Variants in LSAMP observed in about 807,000 individuals in gnomAD.
LSAMP encodes limbic system-associated membrane protein.
In LSAMP, 7 loss-of-function variants were observed where a neutral mutation model predicts 38.6. That is an observed-to-expected ratio of 0.18 (90% CI 0.10 to 0.34). The LOEUF (loss-of-function observed/expected upper bound fraction) is 0.34. Ranked by LOEUF, LSAMP falls within the 10% of genes least tolerant of loss-of-function variation. LSAMP has a pLI of 1.00. For missense variants in LSAMP, 313 were observed against 420.0 expected, an observed-to-expected ratio of 0.75 and a Z score of 2.23; for synonymous variants, 154 against 166.8, an observed-to-expected ratio of 0.92 and a Z score of 0.59.
At chr3:116,154,983 C>T (rs1398054169) in intron 1 of LSAMP, among the ~76,000 whole-genome samples, 1 of 151,630 alleles carries the variant, frequency 6.6e-6, no homozygotes, top group Non-Finnish European at 1.5e-5. Flanking sequence ...TGCTTCAGAT[C>T]TCAGCTCCAC....
chr3:116,422,658 A>G (rs1435953920), intron 1 of LSAMP, among the ~76,000 whole-genome samples: 6 of 152,208 alleles, frequency 3.9e-5, no homozygotes, highest in Admixed American at 6.5e-5. Context: ...CTAAAACTAG[A>G]TTGTGATGAT....
At chr3:116,148,178 G>C (rs1012816474) in intron 1 of LSAMP, among the ~76,000 whole-genome samples, 1 of 148,710 alleles carries the variant, frequency 6.7e-6, no homozygotes, top group African/African-American at 2.6e-5. Context: ...TCAGAGGTTA[G>C]TTAAAATAAC....
chr3:116,332,504 T>C (rs1428646128), intron 1 of LSAMP, among the ~76,000 whole-genome samples: 1 of 151,510 alleles, frequency 6.6e-6, no homozygotes, highest in African/African-American at 2.4e-5. Flanking sequence ...CAAAAGAAAA[T>C]GAGAAAGGAA....
intron 1 of LSAMP, among the ~76,000 whole-genome samples, chr3:116,425,161 T>A (rs1350903644): frequency 6.6e-6 from 1 of 152,098 alleles, no homozygotes; most frequent in Non-Finnish European, 1.5e-5. Context: ...AAGAAAGTAG[T>A]TTTAAAACAA....
chr3:116,162,881 G>A (rs1020555147), intron 1 of LSAMP, among the ~76,000 whole-genome samples: 2 of 151,646 alleles, frequency 1.3e-5, no homozygotes, highest in Non-Finnish European at 1.5e-5. Context: ...GAAATTGTAG[G>A]CTTTGTTCTC....
At chr3:116,166,259 CCAGGCA>C (rs1336303036) in intron 1 of LSAMP, among the ~76,000 whole-genome samples, 1 of 152,186 alleles carries the variant, frequency 6.6e-6, no homozygotes, top group Non-Finnish European at 1.5e-5. Flanking sequence ...TTGCCATGTG[CCAGGCA>C]CAGTTCTAAG....
At chr3:116,133,466 A>G (rs1379116172) in intron 1 of LSAMP, among the ~76,000 whole-genome samples, 1 of 151,572 alleles carries the variant, frequency 6.6e-6, no homozygotes, top group South Asian at 2.1e-4. Flanking sequence ...ATATTAATTT[A>G]ATTTAATATA....
intron 1 of LSAMP, among the ~76,000 whole-genome samples, chr3:116,096,092 T>C (rs145269130): frequency 9.8e-5 from 15 of 152,340 alleles, no homozygotes; most frequent in African/African-American, 3.6e-4. Flanking sequence ...ACTCGTAATG[T>C]TTAAAAGGGT....
chr3:116,320,224 C>T (rs1045927090), intron 1 of LSAMP, among the ~76,000 whole-genome samples: 1 of 152,016 alleles, frequency 6.6e-6, no homozygotes, highest in African/African-American at 2.4e-5. Flanking sequence ...ACCAGCCTGG[C>T]CAACATGATG....
intron 1 of LSAMP, among the ~76,000 whole-genome samples, chr3:116,122,752 C>A (rs537627319): frequency 1.3e-5 from 2 of 152,250 alleles, no homozygotes; most frequent in East Asian, 3.9e-4. Flanking sequence ...CACAGCAAAT[C>A]TCAACCTCAC....
chr3:116,426,189 A>G (rs2049192729), intron 1 of LSAMP, among the ~76,000 whole-genome samples: 2 of 152,362 alleles, frequency 1.3e-5, no homozygotes, highest in South Asian at 2.1e-4. Context: ...CCAGAAAGTA[A>G]GAACTCAACA....
At chr3:116,261,611 A>AAAAC (rs2107658778) in intron 1 of LSAMP, among the ~76,000 whole-genome samples, 1 of 152,320 alleles carries the variant, frequency 6.6e-6, no homozygotes, top group African/African-American at 2.4e-5. Flanking sequence ...TTCTGATTAA[A>AAAAC]AAACAATTAT....
intron 1 of LSAMP, among the ~76,000 whole-genome samples, chr3:116,241,341 C>T (rs988684869): frequency 6.6e-6 from 1 of 151,992 alleles, no homozygotes; most frequent in African/African-American, 2.4e-5. Flanking sequence ...CTGAGACAGG[C>T]TGATCGCCTG....
chr3:116,256,792 A>C (rs558113676), intron 1 of LSAMP, among the ~76,000 whole-genome samples: 1 of 63,340 alleles, frequency 1.6e-5, no homozygotes, highest in Admixed American at 1.5e-4. Flanking sequence ...CTCCACTCCA[A>C]GTGAGGAGGA....
intron 1 of LSAMP, among the ~76,000 whole-genome samples, chr3:116,376,179 A>G (rs1447178250): frequency 6.6e-6 from 1 of 152,042 alleles, no homozygotes; most frequent in African/African-American, 2.4e-5. Context: ...TCAATTCCTT[A>G]TAAGGAATGC....
intron 1 of LSAMP, among the ~76,000 whole-genome samples, chr3:116,092,527 TA>T (rs1293937593): frequency 2.0e-5 from 3 of 152,196 alleles, no homozygotes; most frequent in African/African-American, 4.8e-5. Context: ...AATCATCTCT[TA>T]AAAAAATTAG....
chr3:116,293,253 C>CTGATATCCA (rs1207909245), intron 1 of LSAMP, among the ~76,000 whole-genome samples: 2 of 152,190 alleles, frequency 1.3e-5, no homozygotes, highest in African/African-American at 4.8e-5. Context: ...AAGGATGTAT[C>CTGATATCCA]TGATATCCAT....
At chr3:116,207,617 C>T (rs565558650) in intron 1 of LSAMP, among the ~76,000 whole-genome samples, 9,202 of 151,922 alleles carry the variant, frequency 0.061, 365 homozygotes, top group Middle Eastern at 0.099. Context: ...CAAAATCTCT[C>T]AGCATTTTCT....
intron 2 of LSAMP, among the ~76,000 whole-genome samples, chr3:116,039,084 G>T (rs1388524136): frequency 1.3e-5 from 2 of 152,176 alleles, no homozygotes; most frequent in Non-Finnish European, 2.9e-5. Context: ...AGAACCACAG[G>T]CATAGAGAAT....
Sources: gnomAD v4.1 joint callset for allele counts (sites outside exome capture counted in the v4.1 genomes callset) on GRCh38, gnomAD v4.1.1 for gene constraint, MANE v1.5 for transcripts, NCBI Gene and HGNC (gene_info 2026-07-23, HGNC 2026-07-21) for gene names.